MIDEAS: variants seen among roughly 807,000 people sequenced by gnomAD.
MIDEAS encodes the protein mitotic deacetylase associated SANT domain protein, also known as mitotic deacetylase-associated SANT domain protein.
MIDEAS carries 26 observed loss-of-function variants against 102.7 expected under a neutral mutation model. The observed-to-expected ratio is 0.25, with a 90% CI of 0.19 to 0.35. The LOEUF is 0.35. MIDEAS is among the 10% of genes least tolerant of loss of function. The probability of loss-of-function intolerance (pLI) is 1.00; values close to 1 mark genes in which losing one functional copy is unlikely to be tolerated. For synonymous variants in MIDEAS, 585 were observed against 591.0 expected, an observed-to-expected ratio of 0.99 and a Z score of 0.15; for missense variants, 1,231 against 1,435.6, an observed-to-expected ratio of 0.86 and a Z score of 2.30.
rs571294401 is a variant in MIDEAS at position 73,729,695 on chromosome 14, G to T, written c.2040C>A (p.Ile680=). ...TAGGCGTGATGGGAGGAGGGGCAGGGATGGTGCTGGTTGATATGATGGCAT... is the reference window on the plus strand; with the variant it reads ...TAGGCGTGATGGGAGGAGGGGCAGGTATGGTGCTGGTTGATATGATGGCAT... ...YFNAIISTST[I]PAPPPITPKS... Residue 680 remains isoleucine, a synonymous_variant, in exon 4 of 13, where the codon ATC becomes ATA. Transcript: ENST00000423556. The T allele has an allele frequency of 1.2e-6, 2 of 1,613,942 alleles. No individual in the cohort carries two copies. The highest frequency in any genetic ancestry group is 3.3e-5 in the Admixed American group (2 of 60,034).
At chr14:73,751,397 A>T (rs1466474425) in intron 1 of MIDEAS, among the ~76,000 whole-genome samples, 1 of 152,190 alleles carries the variant, frequency 6.6e-6, no homozygotes, top group East Asian at 1.9e-4. Flanking sequence ...TCAGCCCCTG[A>T]AAACCACCAT....
rs543496729 is a variant in MIDEAS, at chr14:73,716,230, A to G, written c.*2613T>C. The G allele has an allele frequency of 6.6e-6, 1 of 152,444 alleles. No individual in the cohort carries two copies. Among genetic ancestry groups the G allele is most frequent in the South Asian group, 2.1e-4 (1 of 4,822 alleles). The allele number at this position is 152,444 out of a possible 1,614,324, so 9.4% of individuals were successfully genotyped here. On this transcript the variant is annotated 3_prime_UTR_variant, in exon 13 of 13. Coordinates refer to ENST00000423556, the MANE Select transcript of MIDEAS (RefSeq NM_001367710.1). ...TGCCACAATTGCATCTGCCCTCTAA[A>G]CTTTTTAATTTTCACACTGTATCCT... is the stretch of plus-strand genomic sequence containing the variant.
intron 1 of MIDEAS, among the ~76,000 whole-genome samples, chr14:73,755,496 G>C (rs1395540658): frequency 6.6e-6 from 1 of 152,190 alleles, no homozygotes; most frequent in East Asian, 1.9e-4. Flanking sequence ...GTCACACTGC[G>C]AGGCTTCAGG....
intron 5 of MIDEAS, 76 bp downstream of exon 5, chr14:73,727,382 C>T: frequency 6.6e-7 from 1 of 1,503,832 alleles, no homozygotes; most frequent in Non-Finnish European, 9.2e-7. Context: ...CCTCCTGTTG[C>T]TCCCAGGGCC....
intron 1 of MIDEAS, among the ~76,000 whole-genome samples, chr14:73,776,070 C>T (rs752750291): frequency 6.6e-6 from 1 of 151,994 alleles, no homozygotes; most frequent in Non-Finnish European, 1.5e-5. Flanking sequence ...AGCAAAGTGG[C>T]ACCTCGCAAA....
chr14:73,746,515 G>A (rs1421096255), intron 1 of MIDEAS, among the ~76,000 whole-genome samples: 1 of 152,174 alleles, frequency 6.6e-6, no homozygotes, highest in Non-Finnish European at 1.5e-5. Context: ...GAGGCCCTCT[G>A]GTGAGGGCCT....
rs772734651 is a variant in MIDEAS, at chr14:73,729,845, G to A, written c.1890C>T (p.Tyr630=). 6.2e-7 allele frequency: 1 copy of A among 1,614,034 alleles called. No homozygotes were observed. ...APPVYSNITP[Y]QSHLRSPVRL... is the part of the protein sequence containing the mutation. ...GCACGGGAGAGCGCAGGTGGCTCTG[G>A]TATGGGGTGATGTTGGAGTAGACGG... The change falls in exon 4 of 13, where the codon TAC becomes TAT. Residue 630 remains tyrosine (Y), a synonymous_variant. Coordinates refer to ENST00000423556, the MANE Select transcript of MIDEAS (RefSeq NM_001367710.1).
upstream of MIDEAS, among the ~76,000 whole-genome samples, chr14:73,788,710 A>C (rs1036993766): frequency 6.6e-6 from 1 of 152,226 alleles, no homozygotes; most frequent in Non-Finnish European, 1.5e-5. Context: ...TTCTTCTTAC[A>C]TCACGCTATT....
chr14:73,772,376 T>C (rs2053649445), intron 1 of MIDEAS, among the ~76,000 whole-genome samples: 1 of 152,272 alleles, frequency 6.6e-6, no homozygotes, highest in African/African-American at 2.4e-5. Flanking sequence ...GTTATTGGCA[T>C]TATGCCAATT....
In MIDEAS at chr14:73,716,051, G is replaced by A. The variant is rs1430090473; in HGVS notation, c.*2792C>T. On this transcript the variant is annotated 3_prime_UTR_variant, in exon 13 of 13. Coordinates refer to ENST00000423556, the MANE Select transcript of MIDEAS (RefSeq NM_001367710.1). The stretch of plus-strand genomic sequence containing the variant: ...TGGATATGGTGAGATGGTGTGGGGA[G>A]GATGTTAGAAAGCTGGAGGTGTTTA... 1 of 152,492 alleles carries A rather than the reference G, an allele frequency of 6.6e-6. No individual in the cohort carries two copies. Among genetic ancestry groups the A allele is most frequent in the Non-Finnish European group, 1.5e-5 (1 of 68,082 alleles). 9.4% of individuals were successfully genotyped at this position (152,492 alleles called of 1,614,324 possible).
chr14:73,775,121 G>A (rs957618206), intron 1 of MIDEAS, among the ~76,000 whole-genome samples: 1 of 152,054 alleles, frequency 6.6e-6, no homozygotes, highest in Non-Finnish European at 1.5e-5. Context: ...AATAAGCAAA[G>A]GCCAAGAGCA....
chr14:73,745,377 C>T (rs1264843180), intron 1 of MIDEAS, among the ~76,000 whole-genome samples: 2 of 152,242 alleles, frequency 1.3e-5, no homozygotes, highest in African/African-American at 2.4e-5. Context: ...TAGGCTTCTA[C>T]CCCCACCTAG....
In MIDEAS at chr14:73,741,463, G is replaced by A. The variant is rs901449039; in HGVS notation, c.-247-1208C>T. Among the ~76,000 whole-genome samples the A allele has an allele frequency of 2.0e-5, 3 of 152,160 alleles. No individual in the cohort carries two copies. In the East Asian group the frequency reaches 5.8e-4, roughly 29 times the overall value. Reference sequence around the variant, plus strand: ...AGGAAGAGGGGAAAACAGCTCGGGCGGCTCTGAAGAGGAAATCTCAGGCCC... The same window carrying A: ...AGGAAGAGGGGAAAACAGCTCGGGCAGCTCTGAAGAGGAAATCTCAGGCCC... On this transcript the variant is annotated intron_variant, in intron 1 of 12. Transcript: ENST00000423556.
upstream of MIDEAS, among the ~76,000 whole-genome samples, chr14:73,789,305 A>G (rs2053847544): frequency 6.6e-6 from 1 of 151,936 alleles, no homozygotes; most frequent in Admixed American, 6.6e-5. Flanking sequence ...ACTGTGGGGG[A>G]AGCCAACTGC....
Position 73,737,199 on chromosome 14 carries a change from T to A in MIDEAS, c.1548A>T (p.Ala516=). 1 of 1,614,182 alleles carries A rather than the reference T, an allele frequency of 6.2e-7. No homozygotes were observed. The highest frequency in any genetic ancestry group is 8.5e-7 in the Non-Finnish European group (1 of 1,180,024). The change falls in exon 3 of 13, where the codon GCA becomes GCT. Residue 516 remains alanine, a synonymous_variant. Coordinates refer to ENST00000423556, the MANE Select transcript of MIDEAS (RefSeq NM_001367710.1). ...GGGGTACCATCCCACTGTCTTCTCGTGCTCGCTTGGTGGCTAAGGAAGGCT... is the reference window on the plus strand; with the variant it reads ...GGGGTACCATCCCACTGTCTTCTCGAGCTCGCTTGGTGGCTAAGGAAGGCT... The part of the protein sequence containing the change: ...FSEPSLATKR[A]REDSGMVPLI...
intron 1 of MIDEAS, among the ~76,000 whole-genome samples, chr14:73,770,683 T>C (rs2053634713): frequency 6.6e-6 from 1 of 152,166 alleles, no homozygotes; most frequent in South Asian, 2.1e-4. Context: ...GGGCTCTCAA[T>C]TTCACTAATA....
intron 1 of MIDEAS, among the ~76,000 whole-genome samples, chr14:73,752,664 A>ACTCCAGACAGACGCCCG (rs1566599808): frequency 1.3e-5 from 2 of 152,112 alleles, no homozygotes; most frequent in East Asian, 3.9e-4. Context: ...ACAGACGCCC[A>ACTCCAGACAGACGCCCG]TTTGACTCCA....
rs368057977 is a variant in MIDEAS, at chr14:73,726,854, T to C, written c.2281A>G (p.Ser761Gly). The C allele has an allele frequency of 6.5e-5, 105 of 1,611,068 alleles. No individual in the cohort carries two copies. Among genetic ancestry groups the C allele is most frequent in the Admixed American group, 8.3e-5 (5 of 59,898 alleles). ...CCTTGCCTCTGCTTCTCCCGGCTGC[T>C]CTCTAGGTCCTCCCATGGCTGCCAC... Reference protein sequence around the residue: ...LVWQPWEDLESSREKQRQVED... With the variant: ...LVWQPWEDLEGSREKQRQVED... Residue 761 changes from serine to glycine, a missense_variant, in exon 6 of 13, where the codon AGC becomes GGC. Ser to Gly is a moderately conservative substitution (Grantham distance 56). Around this residue, in one of 5 missense-constraint regions of MIDEAS, gnomAD observed 391 missense variants for 483.0 expected, o/e 0.81. Transcript: ENST00000423556.
chr14:73,727,599 G>A (rs2053081672), intron 4 of MIDEAS, 75 bp from the exon 5 acceptor site: 5 of 1,381,214 alleles, frequency 3.6e-6, no homozygotes, highest in South Asian at 1.4e-5. Flanking sequence ...TGGCTGCCCT[G>A]TATGTGCAAG....
Sources: gnomAD v4.1 joint callset for allele counts (sites outside exome capture counted in the v4.1 genomes callset) on GRCh38, gnomAD v4.1.1 for gene constraint, gnomAD v4.1.1 regional missense constraint, MANE v1.5 for transcripts, NCBI Gene and HGNC (gene_info 2026-07-23, HGNC 2026-07-21) for gene names.